Variants in PRKCA observed in about 807,000 individuals in gnomAD.
The protein encoded by PRKCA is protein kinase C alpha type.
PRKCA carries 27 observed loss-of-function variants against 87.0 expected under a neutral mutation model. The ratio of observed to expected loss-of-function variants is 0.31; its 90% CI spans 0.23 to 0.43. PRKCA has a LOEUF of 0.43. Among genes scored for constraint, PRKCA ranks in the 20% least tolerant of loss-of-function variants. PRKCA has a pLI of 1.00. For missense variants in PRKCA, 518 were observed against 852.3 expected (o/e 0.61, Z 4.88); for synonymous variants, 329 against 311.1 (o/e 1.06, Z -0.61).
At chr17:66,336,411 G>T (rs1337058202) in intron 2 of PRKCA, among the ~76,000 whole-genome samples, 2 of 152,278 alleles carry the variant, frequency 1.3e-5, no homozygotes, top group Middle Eastern at 6.8e-3. Flanking sequence ...CCAAAATCTC[G>T]TTGAATGGGA....
At chr17:66,470,057 T>A (rs1598699505) in intron 2 of PRKCA, among the ~76,000 whole-genome samples, 2 of 152,098 alleles carry the variant, frequency 1.3e-5, no homozygotes, top group East Asian at 3.9e-4. Flanking sequence ...CTTTTTTTTT[T>A]AGTGGGAAAA....
At chr17:66,472,178 T>C (rs1236433976) in intron 2 of PRKCA, among the ~76,000 whole-genome samples, 1 of 152,052 alleles carries the variant, frequency 6.6e-6, no homozygotes, top group Non-Finnish European at 1.5e-5. Context: ...TGCCCAGGAG[T>C]GGTCCTCTGG....
intron 16 of PRKCA, among the ~76,000 whole-genome samples, chr17:66,799,834 G>A (rs1371389431): frequency 2.0e-5 from 3 of 152,012 alleles, no homozygotes; most frequent in South Asian, 2.1e-4. Flanking sequence ...ATAATGCATT[G>A]GCAGACCTTC....
chr17:66,544,116 G>A (rs1968076610), intron 3 of PRKCA, among the ~76,000 whole-genome samples: 1 of 152,102 alleles, frequency 6.6e-6, no homozygotes, highest in African/African-American at 2.4e-5. Flanking sequence ...TGGGGTGGTG[G>A]GGGGAGCTGA....
chr17:66,622,333 A>G lies in PRKCA; in HGVS notation c.289-19022A>G, dbSNP rs75643401. Among the ~76,000 whole-genome samples, 1,439 of 152,338 alleles carry G rather than the reference A, an allele frequency of 9.4e-3. 9 individuals are homozygous for G. Among genetic ancestry groups the G allele is most frequent in the Non-Finnish European group, 0.016 (1,056 of 68,026 alleles). On this transcript the variant is annotated intron_variant, in intron 3 of 16. Transcript: ENST00000413366. ...TGTAACCTGAGAAATGAGATTAACA[A>G]TAACAGAGGAAAGCCAATTACAAAC...
chr17:66,547,538 C>G (rs1293297713), intron 3 of PRKCA, among the ~76,000 whole-genome samples: 1 of 152,142 alleles, frequency 6.6e-6, no homozygotes, highest in Non-Finnish European at 1.5e-5. Context: ...CTAGTCCTTA[C>G]TGTTTACTGA....
chr17:66,687,023 CTT>C (rs1972647716), intron 5 of PRKCA, 86 bp from the exon 6 acceptor site: 24 of 1,230,632 alleles, frequency 2.0e-5, no homozygotes, highest in Non-Finnish European at 2.6e-5. Flanking sequence ...TCTGACGTCT[CTT>C]TTATTCAGCT....
At chr17:66,528,666 A>G (rs1967433735) in intron 3 of PRKCA, among the ~76,000 whole-genome samples, 1 of 152,180 alleles carries the variant, frequency 6.6e-6, no homozygotes, top group African/African-American at 2.4e-5. Context: ...CTCATTTTGG[A>G]AGTCTGACCC....
intron 2 of PRKCA, among the ~76,000 whole-genome samples, chr17:66,388,349 TAATGGCG>T (rs1910181797): frequency 6.6e-6 from 1 of 152,006 alleles, no homozygotes; most frequent in Non-Finnish European, 1.5e-5. Context: ...GACTGGAGTG[TAATGGCG>T]CCATCTCAGC....
intron 2 of PRKCA, among the ~76,000 whole-genome samples, chr17:66,356,449 C>T (rs1403284204): frequency 6.6e-6 from 1 of 152,042 alleles, no homozygotes; most frequent in Non-Finnish European, 1.5e-5. Flanking sequence ...TCCTAGCTAA[C>T]ATGGTGAAAC....
intron 3 of PRKCA, among the ~76,000 whole-genome samples, chr17:66,588,842 T>C (rs1204510372): frequency 6.6e-6 from 1 of 151,996 alleles, no homozygotes. Context: ...GGTATCACCA[T>C]GTTGCCCAGG....
At chr17:66,723,013 G>C (rs930279109) in intron 8 of PRKCA, among the ~76,000 whole-genome samples, 1 of 152,188 alleles carries the variant, frequency 6.6e-6, no homozygotes, top group African/African-American at 2.4e-5. Flanking sequence ...CAGGCTTTCC[G>C]GAAGTCAGGG....
chr17:66,684,170 C>T (rs1972564694), intron 5 of PRKCA, among the ~76,000 whole-genome samples: 1 of 152,186 alleles, frequency 6.6e-6, no homozygotes, highest in Non-Finnish European at 1.5e-5. Flanking sequence ...TTCTGCACAT[C>T]TAAGATTGTT....
chr17:66,541,033 T>C (rs907139977), intron 3 of PRKCA, among the ~76,000 whole-genome samples: 6 of 152,164 alleles, frequency 3.9e-5, no homozygotes, highest in African/African-American at 1.4e-4. Context: ...CTGTTTCCAC[T>C]GGTATTCTCT....
chr17:66,384,172 C>T (rs889140981), intron 2 of PRKCA, among the ~76,000 whole-genome samples: 4 of 152,018 alleles, frequency 2.6e-5, no homozygotes, highest in Admixed American at 6.6e-5. Flanking sequence ...AACTTCTGCC[C>T]GCACTTTAGG....
intron 2 of PRKCA, among the ~76,000 whole-genome samples, chr17:66,443,182 T>G (rs1174928568): frequency 2.0e-5 from 3 of 152,166 alleles, no homozygotes; most frequent in Non-Finnish European, 2.9e-5. Context: ...ATCAAGACCT[T>G]CTGGTTCTGG....
intron 5 of PRKCA, among the ~76,000 whole-genome samples, chr17:66,652,160 T>C (rs1971606661): frequency 6.6e-6 from 1 of 152,172 alleles, no homozygotes; most frequent in African/African-American, 2.4e-5. Context: ...GGTTCCACCA[T>C]GTTAGCTAGG....
chr17:66,635,649 G>A (rs1971134185), intron 3 of PRKCA, among the ~76,000 whole-genome samples: 1 of 152,142 alleles, frequency 6.6e-6, no homozygotes. Flanking sequence ...TGTTCCTTTG[G>A]TGCTGTTCTA....
At chr17:66,407,749 A>G (rs149922554) in intron 2 of PRKCA, among the ~76,000 whole-genome samples, 1 of 152,280 alleles carries the variant, frequency 6.6e-6, no homozygotes, top group East Asian at 1.9e-4. Flanking sequence ...TTACAGTTAA[A>G]TTAGCATATT....
Sources: gnomAD v4.1 joint callset for allele counts (sites outside exome capture counted in the v4.1 genomes callset) on GRCh38, gnomAD v4.1.1 for gene constraint, MANE v1.5 for transcripts, NCBI Gene and HGNC (gene_info 2026-07-23, HGNC 2026-07-21) for gene names.